Variants in BACH2 observed in about 807,000 individuals in gnomAD.
BACH2 encodes BACH transcriptional regulator 2, also known as transcription regulator protein BACH2.
In BACH2, 5 loss-of-function variants were observed where a neutral mutation model predicts 61.8. The observed-to-expected ratio is 0.08, with a 90% CI of 0.04 to 0.17. BACH2 has a LOEUF of 0.17. BACH2 is among the 10% of genes least tolerant of loss of function. BACH2 has a pLI of 1.00. For missense variants in BACH2, 824 were observed against 1,091.1 expected, an observed-to-expected ratio of 0.76 and a Z score of 3.45; for synonymous variants, 446 against 440.1, an observed-to-expected ratio of 1.01 and a Z score of -0.17.
chr6:90,002,323 G>A (rs1414003066), intron 6 of BACH2, among the ~76,000 whole-genome samples: 1 of 152,162 alleles, frequency 6.6e-6, no homozygotes, highest in South Asian at 2.1e-4. Flanking sequence ...CTTGGTGATC[G>A]TATGTAGTCC....
chr6:90,132,205 G>A (rs968949109), intron 4 of BACH2, among the ~76,000 whole-genome samples: 10 of 152,302 alleles, frequency 6.6e-5, no homozygotes, highest in South Asian at 6.2e-4. Context: ...AAGTGGCTAC[G>A]ACTTCTACTT....
At chr6:90,190,755 T>C (rs1018085199) in intron 4 of BACH2, among the ~76,000 whole-genome samples, 4 of 152,194 alleles carry the variant, frequency 2.6e-5, no homozygotes, top group Admixed American at 2.6e-4. Context: ...GCATACCAAA[T>C]ATTGTATTCA....
chr6:89,995,695 T>G (rs931045883), intron 6 of BACH2, among the ~76,000 whole-genome samples: 2 of 152,226 alleles, frequency 1.3e-5, no homozygotes, highest in African/African-American at 4.8e-5. Context: ...GTTCATGGCA[T>G]TTAAAACAAT....
chr6:90,042,674 A>G (rs1779595103), intron 5 of BACH2, among the ~76,000 whole-genome samples: 1 of 152,216 alleles, frequency 6.6e-6, no homozygotes, highest in African/African-American at 2.4e-5. Context: ...CATAAGGACA[A>G]GTCATACAAA....
In BACH2 at chr6:89,932,586, G is replaced by A. The variant is rs1406947504; in HGVS notation, c.2348C>T (p.Pro783Leu). ...GGTACAATTCTCGGAGGTGTTGCTG[G>A]GTGCCCAGGGGGGTCCGGGGGGAGC... ...GAAPPGPPWA[P>L]SNTSENCTSG... Residue 783 changes from proline (P) to leucine (L), a missense_variant, in exon 9 of 9, where the codon CCC (proline) becomes CTC (leucine). Around this residue, in one of 8 missense-constraint regions of BACH2, gnomAD observed 135 missense variants for 142.7 expected, o/e 0.95. Transcript: ENST00000257749. 6.2e-7 allele frequency: 1 copy of A among 1,614,012 alleles called. No homozygotes were observed. The highest frequency in any genetic ancestry group is 1.1e-5 in the South Asian group (1 of 91,072).
chr6:89,940,388 C>T (rs924696064), intron 7 of BACH2, among the ~76,000 whole-genome samples: 16 of 152,166 alleles, frequency 1.1e-4, no homozygotes, highest in East Asian at 3.8e-4. Flanking sequence ...AGCAGCAAAC[C>T]ACTACTCTAT....
At chr6:90,103,029 A>ATATATATATT in intron 4 of BACH2, among the ~76,000 whole-genome samples, 6 of 21,164 alleles carry the variant, frequency 2.8e-4, no homozygotes, top group East Asian at 7.4e-4. Context: ...ATATATATAT[A>ATATATATATT]TTTTTTTTTT....
intron 3 of BACH2, among the ~76,000 whole-genome samples, chr6:90,246,855 G>A (rs1306975228): frequency 1.3e-5 from 2 of 152,024 alleles, no homozygotes; most frequent in Non-Finnish European, 2.9e-5. Context: ...AATTTGATAA[G>A]GAAAATGAAA....
Position 90,008,652 on chromosome 6 carries a change from C to T in BACH2, c.193G>A (p.Ala65Thr), listed in dbSNP as rs1777540345. 6.2e-7 allele frequency: 1 copy of T among 1,614,100 alleles called. No homozygotes were observed. The highest frequency in any genetic ancestry group is 1.3e-5 in the African/African-American group (1 of 74,930). Reference protein sequence around the residue: ...LAACSEYFWQALVGQTKNDLV... With the variant: ...LAACSEYFWQTLVGQTKNDLV... ...TCATTTTTTGTCTGTCCAACCAGCG[C>T]CTGCCAAAAATATTCACTGCATGCG... Residue 65 changes from alanine (A) to threonine (T), a missense_variant, in exon 6 of 9, where the codon GCG becomes ACG. Around this residue, in one of 8 missense-constraint regions of BACH2, gnomAD observed 66 missense variants for 144.8 expected, o/e 0.46. Coordinates refer to ENST00000257749, the MANE Select transcript of BACH2 (RefSeq NM_021813.4). The surrounding 1 kb of genome is among the most constrained non-coding windows in gnomAD (Gnocchi z 4.1).
intron 4 of BACH2, among the ~76,000 whole-genome samples, chr6:90,122,896 A>ACCT (rs1783689922): frequency 1.4e-4 from 21 of 152,218 alleles, no homozygotes; most frequent in Admixed American, 1.1e-3. Context: ...TACACATAAA[A>ACCT]AAGAGACATA....
chr6:90,197,623 G>A (rs75493737), intron 4 of BACH2, among the ~76,000 whole-genome samples: 1,758 of 152,218 alleles, frequency 0.012, 46 homozygotes, highest in African/African-American at 0.04. Flanking sequence ...CAAAGAAAAA[G>A]GCAGCAGCAC....
At chr6:90,092,572 T>C (rs921233985) in intron 4 of BACH2, among the ~76,000 whole-genome samples, 4 of 151,908 alleles carry the variant, frequency 2.6e-5, no homozygotes, top group Admixed American at 6.6e-5. Context: ...GGGGATCACA[T>C]GAGAATGTAT....
At chr6:90,240,584 A>G (rs1012773314) in intron 3 of BACH2, among the ~76,000 whole-genome samples, 1 of 152,260 alleles carries the variant, frequency 6.6e-6, no homozygotes. Context: ...CATAAGAACT[A>G]CAAAGCAAAT....
intron 4 of BACH2, among the ~76,000 whole-genome samples, chr6:90,106,189 C>G (rs540294118): frequency 6.6e-6 from 1 of 152,252 alleles, no homozygotes; most frequent in Non-Finnish European, 1.5e-5. Context: ...CCTCAGGTAC[C>G]AAAAGTAGCT....
intron 6 of BACH2, among the ~76,000 whole-genome samples, chr6:89,965,597 G>C (rs1256307192): frequency 6.6e-6 from 1 of 152,154 alleles, no homozygotes; most frequent in Non-Finnish European, 1.5e-5. Context: ...ACTAAACCGA[G>C]CTAGCCCTAG....
chr6:90,216,269 C>T (rs976809241), intron 3 of BACH2, among the ~76,000 whole-genome samples: 2 of 152,144 alleles, frequency 1.3e-5, no homozygotes, highest in African/African-American at 4.8e-5. Context: ...TCCTTATTAA[C>T]GAGAGTTTCA....
intron 3 of BACH2, among the ~76,000 whole-genome samples, chr6:90,242,999 C>T (rs1347326148): frequency 6.6e-6 from 1 of 151,460 alleles, no homozygotes; most frequent in Non-Finnish European, 1.5e-5. Context: ...CCTGTCTCAG[C>T]CTCCCGAGTC....
chr6:89,973,841 C>T (rs564656802), intron 6 of BACH2, among the ~76,000 whole-genome samples: 4 of 151,750 alleles, frequency 2.6e-5, no homozygotes, highest in South Asian at 2.1e-4. Flanking sequence ...GATCAACTGA[C>T]GTAAATTGAG....
In BACH2 at chr6:90,140,295, CAAAG is replaced by C. The variant is rs200477009; in HGVS notation, c.-161-51190_-161-51187del. ...ACAAGGGATTCTGCTAATTGGTAGA[CAAAG>C]AGAAGAAAGCTACTTGGTGTCAAAC... On this transcript the variant is annotated intron_variant, in intron 4 of 8. Coordinates refer to ENST00000257749, the MANE Select transcript of BACH2 (RefSeq NM_021813.4). Among the ~76,000 whole-genome samples the C allele has an allele frequency of 9.8e-3, 1,495 of 152,266 alleles. 12 individuals carry two copies. The highest frequency in any genetic ancestry group is 0.015 in the Non-Finnish European group (1,005 of 68,014).
Sources: gnomAD v4.1 joint callset for allele counts (sites outside exome capture counted in the v4.1 genomes callset) on GRCh38, gnomAD v4.1.1 for gene constraint, gnomAD v4.1.1 regional missense constraint, Gnocchi (gnomAD v3.1) non-coding constraint, MANE v1.5 for transcripts, NCBI Gene and HGNC (gene_info 2026-07-23, HGNC 2026-07-21) for gene names.